The following TTLL11 variants were observed in gnomAD, a reference collection of about 807,000 sequenced individuals.
TTLL11 encodes the protein tubulin polyglutamylase TTLL11.
Under a neutral mutation model 51.7 loss-of-function variants are expected in TTLL11, and 42 were observed. That is an observed-to-expected ratio of 0.81 (90% confidence interval 0.64 to 1.05). The LOEUF (loss-of-function observed/expected upper bound fraction) is 1.05. Ranked by LOEUF, TTLL11 falls within the 50% of genes least tolerant of loss-of-function variation. TTLL11 has a pLI of 0.00. For missense variants in TTLL11, 799 were observed against 940.4 expected, an observed-to-expected ratio of 0.85 and a Z score of 1.97; for synonymous variants, 381 against 383.5, an observed-to-expected ratio of 0.99 and a Z score of 0.08.
At chr9:121,831,236 C>T (rs1410838366) in intron 8 of TTLL11, among the ~76,000 whole-genome samples, 3 of 152,240 alleles carry the variant, frequency 2.0e-5, no homozygotes, top group African/African-American at 7.2e-5. Flanking sequence ...ATGCAGGTTC[C>T]TGTTCCCTCA....
At chr9:121,835,013 G>A (rs1837145617) in intron 8 of TTLL11, among the ~76,000 whole-genome samples, 1 of 152,072 alleles carries the variant, frequency 6.6e-6, no homozygotes, top group Admixed American at 6.6e-5. Context: ...TGAGTTAAGG[G>A]GCCTGGGATC....
chr9:122,093,301 C>A lies in TTLL11; in HGVS notation c.-153G>T, dbSNP rs1421299318. ...TGATCGCTCAGGCTCGGGTTGACAG[C>A]GGCAGTCACCGCATCGAGACGGGGT... On this transcript the variant is annotated 5_prime_UTR_variant, in exon 1 of 9. Transcript: ENST00000321582. The A allele has an allele frequency of 1.3e-6, 2 of 1,575,264 alleles. No individual in the cohort carries two copies. The highest frequency in any genetic ancestry group is 4.8e-5 in the East Asian group (2 of 41,856).
At chr9:121,854,821 G>C (rs1344622471) in intron 8 of TTLL11, among the ~76,000 whole-genome samples, 3 of 152,170 alleles carry the variant, frequency 2.0e-5, no homozygotes, top group Non-Finnish European at 2.9e-5. Flanking sequence ...TCTGGGCAAT[G>C]AGAGGGCTAC....
chr9:121,873,853 T>TTC (rs1838460300), intron 6 of TTLL11, among the ~76,000 whole-genome samples: 1 of 144,812 alleles, frequency 6.9e-6, no homozygotes, highest in Non-Finnish European at 1.5e-5. Flanking sequence ...TTTTTTTTTT[T>TTC]TGAGAGACAG....
chr9:122,089,453 T>C (rs1339981983), intron 1 of TTLL11, among the ~76,000 whole-genome samples: 1 of 152,168 alleles, frequency 6.6e-6, no homozygotes, highest in African/African-American at 2.4e-5. Context: ...ACCAGGGATA[T>C]ATATATATGT....
intron 3 of TTLL11, among the ~76,000 whole-genome samples, chr9:122,018,934 ATCAGG>A (rs1844078554): frequency 6.6e-6 from 1 of 152,192 alleles, no homozygotes; most frequent in South Asian, 2.1e-4. Context: ...AACAGCTAAA[ATCAGG>A]CAGTCAATAC....
At chr9:122,092,557 C>T in intron 1 of TTLL11, 130 bp downstream of exon 1, 1 of 1,444,788 alleles carries the variant, frequency 6.9e-7, no homozygotes. Flanking sequence ...GGCTGACAAG[C>T]AGGCCCGAGC....
chr9:121,923,381 G>T (rs1044931356), intron 6 of TTLL11, among the ~76,000 whole-genome samples: 2 of 151,980 alleles, frequency 1.3e-5, no homozygotes, highest in East Asian at 3.9e-4. Context: ...GGTGGACAGG[G>T]TCTAGAAGAG....
chr9:121,924,634 C>A (rs915364644), intron 6 of TTLL11, among the ~76,000 whole-genome samples: 4 of 151,528 alleles, frequency 2.6e-5, no homozygotes, highest in Admixed American at 2.6e-4. Flanking sequence ...GGTGGAGAGA[C>A]AAGCTTTGGG....
Position 122,034,981 on chromosome 9 carries a change from CA to C in TTLL11, c.560-3126del, listed in dbSNP as rs1342927115. ...AAAGTCTGACCTAGACTATGTATTC[CA>C]ACCAGATAAGAAGGATTTTACCCAT... On this transcript the variant is annotated intron_variant, in intron 2 of 8. Transcript: ENST00000321582. Among the ~76,000 whole-genome samples, 5 of 152,198 alleles carry C rather than the reference CA, an allele frequency of 3.3e-5. No homozygotes were observed. In the East Asian group the frequency reaches 9.6e-4, roughly 29 times the overall value.
rs1029028676 is a variant in TTLL11 at position 121,995,888 on chromosome 9, T to A, written c.694-6118A>T. On this transcript the variant is annotated intron_variant, in intron 3 of 8. Coordinates refer to ENST00000321582, the MANE Select transcript of TTLL11 (RefSeq NM_001139442.2). This position sits in a 1 kb window ranked among gnomAD's most constrained non-coding sequence, Gnocchi z 4.4. ...CATACCTCGAACTGGAGCACAGGTA[T>A]CCGAACAGACCTCTCAAGCTCCGTG... Among the ~76,000 whole-genome samples the A allele has an allele frequency of 1.3e-5, 2 of 152,120 alleles. No individual in the cohort carries two copies. Among genetic ancestry groups the A allele is most frequent in the Non-Finnish European group, 2.9e-5 (2 of 68,026 alleles).
In TTLL11 at chr9:121,822,418, C is replaced by T; in HGVS notation, c.*169G>A. ...TGTGAGGAGGAAGGCAGGTGAGAAC[C>T]AGCCAGCCTGGTGAAGCACAGCTCA... On this transcript the variant is annotated 3_prime_UTR_variant, in exon 9 of 9. Coordinates refer to ENST00000321582, the MANE Select transcript of TTLL11 (RefSeq NM_001139442.2). The surrounding 1 kb of genome is among the most constrained non-coding windows in gnomAD (Gnocchi z 5.8). 5.3e-6 allele frequency: 3 copies of T among 563,428 alleles called. No homozygotes were observed. The highest frequency in any genetic ancestry group is 6.7e-5 in the East Asian group (2 of 29,664). 34.9% of individuals were successfully genotyped at this position (563,428 alleles called of 1,614,324 possible).
chr9:121,880,725 G>A (rs1016318179), intron 6 of TTLL11, among the ~76,000 whole-genome samples: 1 of 152,234 alleles, frequency 6.6e-6, no homozygotes, highest in African/African-American at 2.4e-5. Context: ...CTCCCAGTAC[G>A]CAGTAGGTGC....
chr9:122,062,462 CTTTTT>C (rs386416145), intron 1 of TTLL11, among the ~76,000 whole-genome samples: 3 of 77,698 alleles, frequency 3.9e-5, no homozygotes, highest in Middle Eastern at 0.016. Context: ...TTATATTATG[CTTTTT>C]TTTTTTTTTT....
intron 6 of TTLL11, 74 bp from the exon 7 acceptor site, chr9:121,870,822 CT>C: frequency 7.0e-7 from 1 of 1,433,566 alleles, no homozygotes; most frequent in Non-Finnish European, 9.3e-7. Context: ...TTACAGCCTC[CT>C]CGGGAGGCAG....
In TTLL11 at chr9:121,860,334, T is replaced by C. The variant is rs760025912; in HGVS notation, c.1840+3A>G. 3.9e-6 allele frequency: 6 copies of C among 1,550,522 alleles called. No homozygotes were observed. The highest frequency in any genetic ancestry group is 5.2e-6 in the Non-Finnish European group (6 of 1,146,336). On this transcript the variant is annotated splice_donor_region_variant and intron_variant, in intron 8 of 8. Coordinates refer to ENST00000321582, the MANE Select transcript of TTLL11 (RefSeq NM_001139442.2). ...GGCCATGGCAGAGGCATTTGTCAAA[T>C]ACCTGAGTCCCGCTGGTCCAGGGTC... is the stretch of plus-strand genomic sequence containing the variant.
At chr9:121,991,073 T>G (rs750437389) in intron 3 of TTLL11, among the ~76,000 whole-genome samples, 12 of 152,252 alleles carry the variant, frequency 7.9e-5, no homozygotes, top group South Asian at 2.1e-4. Flanking sequence ...GGTGTGAAAG[T>G]TCCCCTCTGA....
intron 8 of TTLL11, among the ~76,000 whole-genome samples, chr9:121,831,234 T>C (rs1836995700): frequency 6.6e-6 from 1 of 152,202 alleles, no homozygotes; most frequent in African/African-American, 2.4e-5. Context: ...AAATGCAGGT[T>C]CCTGTTCCCT....
chr9:121,871,526 C>A (rs901852094), intron 6 of TTLL11, among the ~76,000 whole-genome samples: 4 of 152,152 alleles, frequency 2.6e-5, no homozygotes, highest in African/African-American at 7.2e-5. Flanking sequence ...TGAAGCCAAC[C>A]CCTGCTCTGC....
Sources: gnomAD v4.1 joint callset for allele counts (sites outside exome capture counted in the v4.1 genomes callset) on GRCh38, gnomAD v4.1.1 for gene constraint, Gnocchi (gnomAD v3.1) non-coding constraint, MANE v1.5 for transcripts, NCBI Gene and HGNC (gene_info 2026-07-23, HGNC 2026-07-21) for gene names.